The following EFHC1 variants were observed in gnomAD, a reference collection of about 807,000 sequenced individuals.
EFHC1 encodes the protein EF-hand domain containing 1, also known as EF-hand domain-containing protein 1.
A neutral mutation model predicts 69.9 loss-of-function variants in EFHC1; 53 were observed. The observed-to-expected ratio is 0.76, with a 90% CI of 0.61 to 0.95. The LOEUF is 0.95. Ranked by LOEUF, EFHC1 falls within the 40% of genes least tolerant of loss-of-function variation. The pLI, the probability that EFHC1 is intolerant of heterozygous loss-of-function variation, is 0.00. For synonymous variants in EFHC1, 256 were observed against 278.4 expected (o/e 0.92, Z 0.80); for missense variants, 739 against 798.7 (o/e 0.93, Z 0.90).
intron 2 of EFHC1, chr6:52,429,972 T>C (rs1764382116): frequency 6.6e-6 from 1 of 152,186 alleles, no homozygotes; most frequent in Non-Finnish European, 1.5e-5. Flanking sequence ...TTTTCAGCTA[T>C]TGTAAAAGGG....
chr6:52,463,009 T>C (rs1348747361), intron 5 of EFHC1, among the ~76,000 whole-genome samples: 2 of 149,734 alleles, frequency 1.3e-5, no homozygotes, highest in African/African-American at 5.1e-5. Flanking sequence ...TTTTTTGTTT[T>C]GTTTTTGTTT....
chr6:52,421,937 T>G (rs995025235), intron 1 of EFHC1, among the ~76,000 whole-genome samples: 1 of 152,198 alleles, frequency 6.6e-6, no homozygotes, highest in Non-Finnish European at 1.5e-5. Flanking sequence ...TATTGCTGTA[T>G]TACAAGTAAG....
intron 7 of EFHC1, among the ~76,000 whole-genome samples, chr6:52,478,098 A>G (rs1232267236): frequency 4.6e-5 from 7 of 152,244 alleles, no homozygotes; most frequent in Non-Finnish European, 8.8e-5. Context: ...ATGCAGCCAT[A>G]AAATTGATGA....
At chr6:52,489,695 A>G (rs1412466788) in intron 9 of EFHC1, among the ~76,000 whole-genome samples, 1 of 152,228 alleles carries the variant, frequency 6.6e-6, no homozygotes, top group African/African-American at 2.4e-5. Context: ...TATTAAAACT[A>G]TAAAAGGTTG....
chr6:52,493,224 AG>A lies in EFHC1; in HGVS notation c.*885del, dbSNP rs1765950410. 2.2e-6 allele frequency: 1 copy of A among 453,350 alleles called. No individual in the cohort carries two copies. The highest frequency in any genetic ancestry group is 1.6e-5 in the South Asian group (1 of 64,444). The allele number at this position is 453,350 out of a possible 1,614,324, so 28.1% of individuals were successfully genotyped here. A position where few individuals can be genotyped will look rare whatever the true frequency, so the allele number is the denominator to read the frequency against. On this transcript the variant is annotated 3_prime_UTR_variant, in exon 11 of 11. Transcript: ENST00000371068. ...TAAACCATCAGCTCTCCTAAGTCAT[AG>A]GCCTTTGGATTCAGACTGGAATTAT...
intron 5 of EFHC1, among the ~76,000 whole-genome samples, chr6:52,458,080 A>G (rs1316619586): frequency 6.6e-6 from 1 of 152,226 alleles, no homozygotes; most frequent in East Asian, 1.9e-4. Flanking sequence ...GATTTTTGAC[A>G]AAGGTAAAAA....
chr6:52,495,361 C>G lies in EFHC1; in HGVS notation c.*3020C>G. 1 of 454,132 alleles carries G rather than the reference C, an allele frequency of 2.2e-6. No individual in the cohort carries two copies. 28.1% of individuals were successfully genotyped at this position (454,132 alleles called of 1,614,324 possible). ...GCTTGCAGACCCAAGGCACTCCAGC[C>G]CCTTTCAAGAAGCTTGCACTTTCTG... On this transcript the variant is annotated 3_prime_UTR_variant, in exon 11 of 11. Coordinates refer to ENST00000371068, the MANE Select transcript of EFHC1 (RefSeq NM_018100.4).
At chr6:52,424,415 A>C (rs1764260867) in intron 2 of EFHC1, among the ~76,000 whole-genome samples, 1 of 152,240 alleles carries the variant, frequency 6.6e-6, no homozygotes, top group Admixed American at 6.5e-5. Flanking sequence ...AAATGCAGTT[A>C]AAGAAAAGTT....
intron 1 of EFHC1, chr6:52,421,160 C>A: frequency 1.7e-6 from 1 of 589,216 alleles, no homozygotes; most frequent in Non-Finnish European, 2.1e-6. Context: ...ATCCTCTCCC[C>A]ATTCCTTTCT....
intron 3 of EFHC1, among the ~76,000 whole-genome samples, chr6:52,439,270 A>G (rs1020824248): frequency 2.0e-5 from 3 of 152,182 alleles, no homozygotes; most frequent in African/African-American, 7.2e-5. Flanking sequence ...TATTTCTAGC[A>G]GCAAAGATAT....
At chr6:52,491,395 C>T (rs746683098) in intron 10 of EFHC1, among the ~76,000 whole-genome samples, 22 of 152,162 alleles carry the variant, frequency 1.4e-4, no homozygotes, top group African/African-American at 5.3e-4. Context: ...CAGTCACAGT[C>T]GAGTTTTAAG....
chr6:52,483,856 G>A (rs1313197225), intron 9 of EFHC1: 1 of 152,178 alleles, frequency 6.6e-6, no homozygotes, highest in Non-Finnish European at 1.5e-5. Flanking sequence ...GAGTTTCAGT[G>A]GAATGGGAAG....
intron 9 of EFHC1, chr6:52,488,347 A>G (rs1765829484): frequency 6.6e-6 from 1 of 152,230 alleles, no homozygotes; most frequent in South Asian, 2.1e-4. Flanking sequence ...TTATTACAAC[A>G]ATTTTTATTG....
At chr6:52,471,645 C>A (rs1765437536) in intron 7 of EFHC1, among the ~76,000 whole-genome samples, 1 of 152,084 alleles carries the variant, frequency 6.6e-6, no homozygotes, top group South Asian at 2.1e-4. Context: ...GAGGGCAGAT[C>A]ACTTGAGGTC....
At chr6:52,472,666 TACAAGAG>T (rs1765463582) in intron 7 of EFHC1, among the ~76,000 whole-genome samples, 1 of 148,860 alleles carries the variant, frequency 6.7e-6, no homozygotes, top group African/African-American at 2.6e-5. Context: ...ATCTTTTACA[TACAAGAG>T]ATATGTAATA....
intron 3 of EFHC1, among the ~76,000 whole-genome samples, chr6:52,450,426 G>A (rs776066003): frequency 6.6e-6 from 1 of 152,212 alleles, no homozygotes; most frequent in South Asian, 2.1e-4. Context: ...CACTGCTGTT[G>A]TATGGGAGTC....
chr6:52,479,634 C>G lies in EFHC1; in HGVS notation c.1493-6C>G, dbSNP rs1017529204. 6.2e-7 allele frequency: 1 copy of G among 1,614,232 alleles called. No individual in the cohort carries two copies. The highest frequency in any genetic ancestry group is 1.7e-5 in the Admixed American group (1 of 60,034). On this transcript the variant is annotated splice_region_variant and splice_polypyrimidine_tract_variant and intron_variant, in intron 8 of 10. Transcript: ENST00000371068. ...CAAGCTAAGTGTGTTGCTACCTTCT[C>G]TCCAGTGTTTGGTCACCGGTTCATC... is the stretch of plus-strand genomic sequence containing the variant.
At chr6:52,485,446 G>A (rs990498243) in intron 9 of EFHC1, 1 of 152,126 alleles carries the variant, frequency 6.6e-6, no homozygotes, top group African/African-American at 2.4e-5. Flanking sequence ...GTTGCCATAT[G>A]GATATGGTTT....
intron 2 of EFHC1, among the ~76,000 whole-genome samples, chr6:52,425,097 A>T (rs1581810297): frequency 6.6e-6 from 1 of 152,272 alleles, no homozygotes; most frequent in East Asian, 1.9e-4. Context: ...CATGATAGTC[A>T]CTTATTTTTA....
Sources: gnomAD v4.1 joint callset for allele counts (sites outside exome capture counted in the v4.1 genomes callset) on GRCh38, gnomAD v4.1.1 for gene constraint, MANE v1.5 for transcripts, NCBI Gene and HGNC (gene_info 2026-07-23, HGNC 2026-07-21) for gene names.